Variants in CSMD2 observed in about 807,000 individuals in gnomAD.
CSMD2 encodes CUB and sushi domain-containing protein 2.
Under a neutral mutation model 398.5 loss-of-function variants are expected in CSMD2, and 130 were observed. The observed-to-expected ratio is 0.33, with a 90% CI of 0.28 to 0.38. The LOEUF (loss-of-function observed/expected upper bound fraction) is 0.38, where lower values mean the gene tolerates loss of function less well. Ranked by LOEUF, CSMD2 falls within the 10% of genes least tolerant of loss-of-function variation. The pLI is 1.00. For synonymous variants in CSMD2, 1,828 were observed against 1,908.5 expected, an observed-to-expected ratio of 0.96 and a Z score of 1.10; for missense variants, 3,829 against 4,764.9, an observed-to-expected ratio of 0.80 and a Z score of 5.78.
chr1:33,777,867 G>A (rs972654430), intron 12 of CSMD2, among the ~76,000 whole-genome samples: 28 of 152,138 alleles, frequency 1.8e-4, no homozygotes, highest in African/African-American at 4.3e-4. Flanking sequence ...AATTGGAATC[G>A]TCTTTTATGA....
At chr1:34,028,982 A>G (rs1395352679) in intron 3 of CSMD2, among the ~76,000 whole-genome samples, 1 of 152,130 alleles carries the variant, frequency 6.6e-6, no homozygotes, top group East Asian at 1.9e-4. Flanking sequence ...TTCCTTATCT[A>G]TACTTTTCAC....
chr1:33,971,201 C>T (rs913129879), intron 3 of CSMD2, among the ~76,000 whole-genome samples: 6 of 152,332 alleles, frequency 3.9e-5, no homozygotes, highest in South Asian at 4.1e-4. Flanking sequence ...GCAGGACTCA[C>T]GATTAACATG....
At chr1:33,929,489 G>A (rs1644244087) in intron 4 of CSMD2, among the ~76,000 whole-genome samples, 1 of 140,682 alleles carries the variant, frequency 7.1e-6, no homozygotes, top group Non-Finnish European at 1.5e-5. Flanking sequence ...TCAGGTTGGA[G>A]TGCAGTGGCA....
At chr1:33,692,646 G>T (rs1645279052) in intron 25 of CSMD2, among the ~76,000 whole-genome samples, 1 of 152,242 alleles carries the variant, frequency 6.6e-6, no homozygotes, top group Non-Finnish European at 1.5e-5. Flanking sequence ...GGAAGGGTTG[G>T]ATTCAAATGG....
At chr1:33,790,244 C>G (rs1654066662) in intron 11 of CSMD2, among the ~76,000 whole-genome samples, 1 of 152,128 alleles carries the variant, frequency 6.6e-6, no homozygotes, top group Non-Finnish European at 1.5e-5. Context: ...GGGTACCCAG[C>G]TACTTGGTCA....
chr1:34,091,767 T>C lies in CSMD2; in HGVS notation c.188-2574A>G, dbSNP rs1658593787. ...TAGGAAAAAGAATATTTCCTTACTA[T>C]GATAAAGCTTCAATTTTAGAACAAT... On this transcript the variant is annotated intron_variant, in intron 1 of 70. Transcript: ENST00000373381. 2.6e-5 allele frequency among the ~76,000 whole-genome samples: 4 copies of C among 152,196 alleles called. No individual in the cohort carries two copies. The South Asian group carries it at 6.2e-4, about 24-fold the overall frequency.
intron 5 of CSMD2, among the ~76,000 whole-genome samples, chr1:33,869,896 T>C (rs1374108058): frequency 6.6e-6 from 1 of 152,228 alleles, no homozygotes; most frequent in East Asian, 1.9e-4. Context: ...GTTTTTCTCT[T>C]GCATCTGCCA....
chr1:33,671,591 C>A (rs1368767417), intron 25 of CSMD2, among the ~76,000 whole-genome samples: 1 of 152,128 alleles, frequency 6.6e-6, no homozygotes, highest in East Asian at 1.9e-4. Flanking sequence ...CACACCCACG[C>A]CCCCACCAAC....
At chr1:33,901,138 G>T (rs1453468115) in intron 5 of CSMD2, among the ~76,000 whole-genome samples, 1 of 152,214 alleles carries the variant, frequency 6.6e-6, no homozygotes, top group Non-Finnish European at 1.5e-5. Flanking sequence ...ACCCAATGGG[G>T]CAAGATGGCA....
chr1:33,567,647 C>T lies in CSMD2; in HGVS notation c.8326G>A (p.Val2776Met), dbSNP rs144810038. The T allele has an allele frequency of 4.3e-6, 7 of 1,614,046 alleles. No homozygotes were observed. The African/African-American group carries it at 8.0e-5, about 18-fold the overall frequency. Residue 2776 changes from valine to methionine, a missense_variant, in exon 53 of 71, where the codon GTG becomes ATG. Val to Met is a conservative substitution (Grantham distance 21, BLOSUM62 1). Coordinates refer to ENST00000373381, the MANE Select transcript of CSMD2 (RefSeq NM_001281956.2). ...TGATGATCCTGCTGGCAGATGCGCA[C>T]AGACATGCCGATCAGGCGGAAGCCA... ...NAGFRLIGMS[V>M]RICQQDHHWS...
chr1:33,631,739 G>A (rs1173698580), intron 32 of CSMD2, among the ~76,000 whole-genome samples: 1 of 152,270 alleles, frequency 6.6e-6, no homozygotes, highest in Middle Eastern at 3.4e-3. Context: ...TGGATGGGAA[G>A]AAGAGTTAAT....
intron 5 of CSMD2, among the ~76,000 whole-genome samples, chr1:33,853,534 T>A (rs747138918): frequency 2.2e-4 from 34 of 152,228 alleles, no homozygotes; most frequent in Middle Eastern, 3.4e-3. Flanking sequence ...TTAATTTAAA[T>A]CACATAATTA....
At chr1:34,165,608 A>G, upstream of CSMD2, 1 of 758,528 alleles carries the variant, frequency 1.3e-6, no homozygotes. Flanking sequence ...AAACACACAC[A>G]CACACACACA....
intron 2 of CSMD2, among the ~76,000 whole-genome samples, chr1:34,034,789 T>C (rs1036520205): frequency 1.3e-5 from 2 of 152,160 alleles, no homozygotes; most frequent in African/African-American, 4.8e-5. Context: ...ATTAAAAGCA[T>C]GTATGTGTGA....
rs571343230 is a variant in CSMD2 at position 33,955,150 on chromosome 1, C to T, written c.518-19196G>A. ...CGGATCCCCATCTGCCTTTCTCCTG[C>T]CTCATTTCCAATTCCAGAATTATTC... On this transcript the variant is annotated intron_variant, in intron 3 of 70. Coordinates refer to ENST00000373381, the MANE Select transcript of CSMD2 (RefSeq NM_001281956.2). 3.3e-5 allele frequency among the ~76,000 whole-genome samples: 5 copies of T among 152,312 alleles called. No individual in the cohort carries two copies. In the East Asian group the frequency reaches 9.6e-4, roughly 29 times the overall value.
At chr1:34,140,376 G>A (rs1639172484) in intron 1 of CSMD2, among the ~76,000 whole-genome samples, 1 of 151,082 alleles carries the variant, frequency 6.6e-6, no homozygotes, top group Non-Finnish European at 1.5e-5. Flanking sequence ...GGGACAGCAG[G>A]CTGAAATTCT....
At chr1:33,826,269 T>C (rs1658804612) in intron 6 of CSMD2, among the ~76,000 whole-genome samples, 1 of 152,204 alleles carries the variant, frequency 6.6e-6, no homozygotes. Context: ...TGCAATGTGA[T>C]TTTTTAGCTC....
intron 51 of CSMD2, among the ~76,000 whole-genome samples, chr1:33,570,609 C>T (rs987770016): frequency 7.2e-5 from 11 of 152,168 alleles, no homozygotes; most frequent in African/African-American, 2.7e-4. Context: ...ATATCCCTAT[C>T]GTAGTGCATG....
chr1:34,050,581 C>T (rs980754032), intron 2 of CSMD2, among the ~76,000 whole-genome samples: 1 of 152,174 alleles, frequency 6.6e-6, no homozygotes, highest in Non-Finnish European at 1.5e-5. Flanking sequence ...GTGGCAATAC[C>T]TTGCAGCGCT....
Sources: gnomAD v4.1 joint callset for allele counts (sites outside exome capture counted in the v4.1 genomes callset) on GRCh38, gnomAD v4.1.1 for gene constraint, MANE v1.5 for transcripts, NCBI Gene and HGNC (gene_info 2026-07-23, HGNC 2026-07-21) for gene names.